Variants in PRKN observed in about 807,000 individuals in gnomAD.
The protein encoded by PRKN is parkin RBR E3 ubiquitin protein ligase, also known as E3 ubiquitin-protein ligase parkin.
PRKN carries 56 observed loss-of-function variants against 59.5 expected under a neutral mutation model. The ratio of observed to expected loss-of-function variants is 0.94; its 90% CI spans 0.76 to 1.18. The LOEUF is 1.18. PRKN is among the 50% of genes most tolerant of loss of function. The probability of loss-of-function intolerance (pLI) is 0.00; values close to 1 mark genes in which losing one functional copy is unlikely to be tolerated. For synonymous variants in PRKN, 250 were observed against 222.1 expected, an observed-to-expected ratio of 1.13 and a Z score of -1.12; for missense variants, 657 against 596.4, an observed-to-expected ratio of 1.10 and a Z score of -1.06.
chr6:161,627,775 A>G (rs1204024425), intron 7 of PRKN, among the ~76,000 whole-genome samples: 2 of 152,224 alleles, frequency 1.3e-5, no homozygotes, highest in Non-Finnish European at 2.9e-5. Flanking sequence ...CACCAGGGTG[A>G]CTAGGATAAC....
chr6:162,203,163 A>G (rs1784800869), intron 3 of PRKN, among the ~76,000 whole-genome samples: 1 of 152,204 alleles, frequency 6.6e-6, no homozygotes, highest in African/African-American at 2.4e-5. Flanking sequence ...GATGTTTGCA[A>G]TATTGTTTCA....
chr6:161,783,438 A>T (rs780026618), intron 7 of PRKN, among the ~76,000 whole-genome samples: 7 of 152,210 alleles, frequency 4.6e-5, no homozygotes, highest in Non-Finnish European at 8.8e-5. Flanking sequence ...TTCGGCGAGA[A>T]TTACAAGAAA....
At chr6:162,129,012 G>A (rs1160991942) in intron 4 of PRKN, among the ~76,000 whole-genome samples, 1 of 152,128 alleles carries the variant, frequency 6.6e-6, no homozygotes, top group African/African-American at 2.4e-5. Context: ...AATGGTAAAT[G>A]AATGCTTTAA....
rs1214422609 is a variant in PRKN, at chr6:161,385,396, A to T, written c.1167+1398T>A. On this transcript the variant is annotated intron_variant, in intron 10 of 11. Transcript: ENST00000366898. This position sits in a 1 kb window ranked among gnomAD's most constrained non-coding sequence, Gnocchi z 4.9. ...TAACTTTCTTTTTCCTATTTTTCTGAATCCAATATTAAGGTTTTAACAATT... is the reference window on the plus strand; with the variant it reads ...TAACTTTCTTTTTCCTATTTTTCTGTATCCAATATTAAGGTTTTAACAATT... Among the ~76,000 whole-genome samples, 1 of 152,134 alleles carries T rather than the reference A, an allele frequency of 6.6e-6. No individual in the cohort carries two copies. The highest frequency in any genetic ancestry group is 2.4e-5 in the African/African-American group (1 of 41,418).
At chr6:161,689,490 T>G (rs938490233) in intron 7 of PRKN, among the ~76,000 whole-genome samples, 2 of 152,168 alleles carry the variant, frequency 1.3e-5, no homozygotes, top group Non-Finnish European at 2.9e-5. Flanking sequence ...TGTCAAAACC[T>G]TTTAAAATAA....
chr6:162,618,048 C>A (rs1455706466), intron 1 of PRKN, among the ~76,000 whole-genome samples: 1 of 152,084 alleles, frequency 6.6e-6, no homozygotes, highest in Non-Finnish European at 1.5e-5. Context: ...GGGTTTAAAC[C>A]CATGCTGTTA....
intron 10 of PRKN, among the ~76,000 whole-genome samples, chr6:161,364,263 G>A (rs544725905): frequency 2.5e-4 from 38 of 149,414 alleles, no homozygotes; most frequent in African/African-American, 7.6e-4. Context: ...GTTTGAGACC[G>A]TCCTGACCAA....
In PRKN at chr6:161,584,487, A is replaced by T. The variant is rs1423006386; in HGVS notation, c.872-15071T>A. Among the ~76,000 whole-genome samples the T allele has an allele frequency of 6.6e-6, 1 of 152,234 alleles. No homozygotes were observed. The highest frequency in any genetic ancestry group is 2.4e-5 in the African/African-American group (1 of 41,462). On this transcript the variant is annotated intron_variant, in intron 7 of 11. Coordinates refer to ENST00000366898, the MANE Select transcript of PRKN (RefSeq NM_004562.3). This position sits in a 1 kb window ranked among gnomAD's most constrained non-coding sequence, Gnocchi z 4.8. Reference sequence around the variant, plus strand: ...TAATCTTCATGTGCCAAATTGGGGGAAAAAACCTTATGGCTGGCCTGTTAT... The same window carrying T: ...TAATCTTCATGTGCCAAATTGGGGGTAAAAACCTTATGGCTGGCCTGTTAT...
At chr6:162,328,241 C>A in intron 2 of PRKN, among the ~76,000 whole-genome samples, 1 of 145,988 alleles carries the variant, frequency 6.8e-6, no homozygotes, top group Non-Finnish European at 1.5e-5. Flanking sequence ...CACCTGTAGT[C>A]CTAGCTACTC....
intron 7 of PRKN, among the ~76,000 whole-genome samples, chr6:161,630,456 A>G (rs1783260134): frequency 6.6e-6 from 1 of 152,356 alleles, no homozygotes; most frequent in African/African-American, 2.4e-5. Flanking sequence ...ATAGAATTTC[A>G]GAACTGAAAT....
chr6:162,637,970 T>C (rs1777796534), intron 1 of PRKN, among the ~76,000 whole-genome samples: 1 of 152,170 alleles, frequency 6.6e-6, no homozygotes, highest in Admixed American at 6.5e-5. Context: ...GAAGAAAGCA[T>C]CTCTAAAAGC....
intron 1 of PRKN, among the ~76,000 whole-genome samples, chr6:162,544,759 C>A (rs1280319565): frequency 6.8e-6 from 1 of 147,200 alleles, no homozygotes; most frequent in Non-Finnish European, 1.5e-5. Flanking sequence ...CTCACGGCAA[C>A]CTCCGCCTCC....
At position 161,394,275 on chromosome 6, in the gene PRKN, G is replaced by A. The variant is rs1283472513; in HGVS notation, c.1084-7398C>T. ...TGCTAAGCTCCAAATGCAAACAGAC[G>A]AAGACAGTGTTCTATGTGTGGTCTC... On this transcript the variant is annotated intron_variant, in intron 9 of 11. Transcript: ENST00000366898. Among the ~76,000 whole-genome samples the A allele has an allele frequency of 2.6e-5, 4 of 152,032 alleles. No homozygotes were observed. In the East Asian group the frequency reaches 5.8e-4, roughly 22 times the overall value.
At chr6:161,764,107 T>C (rs550771664) in intron 7 of PRKN, among the ~76,000 whole-genome samples, 31 of 152,328 alleles carry the variant, frequency 2.0e-4, no homozygotes, top group African/African-American at 7.0e-4. Flanking sequence ...GGTCTCTCCA[T>C]GCTACAGACA....
chr6:162,417,965 G>A (rs1450945290), intron 2 of PRKN, among the ~76,000 whole-genome samples: 1 of 152,184 alleles, frequency 6.6e-6, no homozygotes, highest in Non-Finnish European at 1.5e-5. Context: ...TCTGTAAATA[G>A]CTAAACATTT....
chr6:162,212,383 C>A (rs1785240972), intron 3 of PRKN, among the ~76,000 whole-genome samples: 1 of 125,842 alleles, frequency 7.9e-6, no homozygotes, highest in Non-Finnish European at 1.6e-5. Flanking sequence ...AGACATTAAA[C>A]CCTGTGAATG....
Position 161,561,136 on chromosome 6 carries a change from G to T in PRKN, c.933+8219C>A, listed in dbSNP as rs1350660224. On this transcript the variant is annotated intron_variant, in intron 8 of 11. Coordinates refer to ENST00000366898, the MANE Select transcript of PRKN (RefSeq NM_004562.3). This position sits in a 1 kb window ranked among gnomAD's most constrained non-coding sequence, Gnocchi z 5.0. ...TTCCCCTCAACCCGCCGAAAAAAGG[G>T]GTGAAATAAAAAAGATGAAATGAGG... 1.3e-5 allele frequency among the ~76,000 whole-genome samples: 2 copies of T among 152,000 alleles called. No homozygotes were observed. The highest frequency in any genetic ancestry group is 4.8e-5 in the African/African-American group (2 of 41,380).
rs1209545627 is a variant in PRKN, at chr6:162,645,227, T to C, written c.7+82435A>G. On this transcript the variant is annotated intron_variant, in intron 1 of 11. Transcript: ENST00000366898. ...GACCTTTGCTATCTTCCTAACATGATTCTTTACAGGAAATTACATAAAATA... is the reference window on the plus strand; with the variant it reads ...GACCTTTGCTATCTTCCTAACATGACTCTTTACAGGAAATTACATAAAATA... Among the ~76,000 whole-genome samples, 5 of 152,306 alleles carry C rather than the reference T, an allele frequency of 3.3e-5. No homozygotes were observed. In the East Asian group the frequency reaches 9.6e-4, roughly 29 times the overall value.
rs555951174 is a variant in PRKN at position 161,655,868 on chromosome 6, A to G, written c.872-86452T>C. Among the ~76,000 whole-genome samples the G allele has an allele frequency of 1.5e-3, 71 of 46,522 alleles. 1 individual carries two copies. The East Asian group carries it at 0.027, about 18-fold the overall frequency. 30.5% of individuals were successfully genotyped at this position (46,522 alleles called of 152,430 possible). ...CACACAGGCATATCAACACACATGC[A>G]CACACACACACACACATACACACAC... On this transcript the variant is annotated intron_variant, in intron 7 of 11. Transcript: ENST00000366898.
Sources: allele counts gnomAD v4.1 joint callset (sites outside exome capture counted in the v4.1 genomes callset), GRCh38; gene constraint gnomAD v4.1.1; non-coding constraint Gnocchi (gnomAD v3.1); transcripts MANE v1.5; gene names NCBI Gene and HGNC (gene_info 2026-07-23, HGNC 2026-07-21).